The following CSMD1 variants were observed in gnomAD, a reference collection of about 807,000 sequenced individuals.
The protein encoded by CSMD1 is CUB and Sushi multiple domains 1.
CSMD1 carries 213 observed loss-of-function variants against 417.5 expected under a neutral mutation model. The observed-to-expected ratio is 0.51, with a 90% CI of 0.46 to 0.57. The LOEUF is 0.57. CSMD1 is among the 20% of genes least tolerant of loss of function. The pLI is 0.00. For synonymous variants in CSMD1, 2,862 were observed against 1,736.8 expected, an observed-to-expected ratio of 1.65 and a Z score of -16.11; for missense variants, 6,923 against 4,529.7, an observed-to-expected ratio of 1.53 and a Z score of -15.17.
intron 2 of CSMD1, among the ~76,000 whole-genome samples, chr8:4,582,335 A>C (rs565320685): frequency 6.6e-6 from 1 of 152,320 alleles, no homozygotes; most frequent in East Asian, 1.9e-4. Flanking sequence ...CCAAATTAGA[A>C]AAGCGGGATA....
intron 3 of CSMD1, among the ~76,000 whole-genome samples, chr8:4,319,994 G>A (rs1171896587): frequency 1.3e-5 from 2 of 152,116 alleles, no homozygotes; most frequent in African/African-American, 2.4e-5. Flanking sequence ...TCATAAAATA[G>A]GAGTATTGGG....
chr8:4,910,346 T>A (rs1367261407), intron 1 of CSMD1, among the ~76,000 whole-genome samples: 2 of 152,202 alleles, frequency 1.3e-5, no homozygotes, highest in Admixed American at 1.3e-4. Context: ...TGTATCTTAG[T>A]CAATTTTGGC....
rs552236589 is a variant in CSMD1 at position 3,813,672 on chromosome 8, T to G, written c.819-59630A>C. Among the ~76,000 whole-genome samples, 24 of 152,284 alleles carry G rather than the reference T, an allele frequency of 1.6e-4. No individual in the cohort carries two copies. In the South Asian group the frequency reaches 5.0e-3, roughly 32 times the overall value. On this transcript the variant is annotated intron_variant, in intron 5 of 69. Transcript: ENST00000635120. ...ATTATACAAAATTATTTAAGTGGCT[T>G]AAAAGCCCTGTACTTTCCAATATTC...
intron 26 of CSMD1, among the ~76,000 whole-genome samples, chr8:3,260,158 T>G (rs73185601): frequency 0.075 from 11,422 of 152,276 alleles, 568 homozygotes; most frequent in Admixed American, 0.13. Context: ...CTCATGTCTT[T>G]GAGTTAAGCA....
At chr8:3,077,697 C>A (rs778085815) in intron 49 of CSMD1, among the ~76,000 whole-genome samples, 2 of 152,248 alleles carry the variant, frequency 1.3e-5, no homozygotes. Flanking sequence ...GCAGCCCCGA[C>A]CCCGGCTTGC....
At chr8:4,939,531 A>T (rs995639115) in intron 1 of CSMD1, among the ~76,000 whole-genome samples, 4 of 152,192 alleles carry the variant, frequency 2.6e-5, no homozygotes, top group Admixed American at 6.5e-5. Flanking sequence ...ATTAAATGAA[A>T]TGAGCCAGGC....
At chr8:3,798,027 G>T (rs74510627) in intron 5 of CSMD1, among the ~76,000 whole-genome samples, 1 of 151,990 alleles carries the variant, frequency 6.6e-6, no homozygotes. Context: ...AACTTTTCAG[G>T]TGCTTTTTTG....
intron 1 of CSMD1, among the ~76,000 whole-genome samples, chr8:4,938,751 AAAGT>A (rs1252659913): frequency 6.6e-6 from 1 of 152,224 alleles, no homozygotes; most frequent in Non-Finnish European, 1.5e-5. Flanking sequence ...GGAAGGTTAA[AAAGT>A]GTGTGGCCTG....
At chr8:4,184,496 T>C (rs764812728) in intron 3 of CSMD1, among the ~76,000 whole-genome samples, 1 of 152,014 alleles carries the variant, frequency 6.6e-6, no homozygotes, top group Non-Finnish European at 1.5e-5. Flanking sequence ...ATAAAGAAAA[T>C]GTGGCATGTA....
intron 49 of CSMD1, among the ~76,000 whole-genome samples, chr8:3,073,759 T>C (rs968331836): frequency 1.3e-5 from 2 of 148,634 alleles, no homozygotes; most frequent in African/African-American, 4.9e-5. Context: ...ACATGAACTT[T>C]AAAAAAATAT....
At chr8:4,102,198 C>G (rs1356789456) in intron 3 of CSMD1, among the ~76,000 whole-genome samples, 1 of 152,150 alleles carries the variant, frequency 6.6e-6, no homozygotes, top group Non-Finnish European at 1.5e-5. Context: ...GCTTTATTGT[C>G]TCTTTTGTAA....
At chr8:3,506,495 C>G (rs1296493167) in intron 10 of CSMD1, among the ~76,000 whole-genome samples, 1 of 152,186 alleles carries the variant, frequency 6.6e-6, no homozygotes, top group East Asian at 1.9e-4. Context: ...CTTCCAGTCA[C>G]TCTTCCAATA....
At chr8:4,954,480 G>T (rs1364545164) in intron 1 of CSMD1, among the ~76,000 whole-genome samples, 1 of 152,112 alleles carries the variant, frequency 6.6e-6, no homozygotes, top group Non-Finnish European at 1.5e-5. Flanking sequence ...GACTGAAATT[G>T]ATCACGTGGC....
intron 3 of CSMD1, among the ~76,000 whole-genome samples, chr8:4,042,745 G>A (rs1024148842): frequency 3.4e-5 from 5 of 146,434 alleles, no homozygotes; most frequent in African/African-American, 1.3e-4. Context: ...TACCACAGAG[G>A]CTGGGTAAGA....
intron 3 of CSMD1, among the ~76,000 whole-genome samples, chr8:4,063,828 A>C (rs1000900334): frequency 9.9e-5 from 15 of 152,154 alleles, no homozygotes; most frequent in African/African-American, 3.6e-4. Context: ...TGAATGTGGT[A>C]AGAAGGAACC....
At chr8:3,361,651 CAAAAA>C (rs765648287) in intron 20 of CSMD1, among the ~76,000 whole-genome samples, 1 of 79,212 alleles carries the variant, frequency 1.3e-5, no homozygotes, top group African/African-American at 5.3e-5. Flanking sequence ...GATTCCATCT[CAAAAA>C]AAAAAAAAAA....
chr8:3,036,504 A>G (rs920212600), intron 50 of CSMD1, among the ~76,000 whole-genome samples: 2 of 152,196 alleles, frequency 1.3e-5, no homozygotes, highest in African/African-American at 4.8e-5. Context: ...ATTAGATGTC[A>G]TTGGAGTAAA....
chr8:4,512,818 T>TAA (rs34868507), intron 2 of CSMD1, among the ~76,000 whole-genome samples: 6 of 146,724 alleles, frequency 4.1e-5, no homozygotes, highest in African/African-American at 7.5e-5. Flanking sequence ...TTCATGGATT[T>TAA]AAAAAAAAAA....
At chr8:3,556,514 A>ATG (rs1563150089) in intron 10 of CSMD1, among the ~76,000 whole-genome samples, 4 of 80,254 alleles carry the variant, frequency 5.0e-5, no homozygotes, top group Admixed American at 3.8e-4. Context: ...TCTTTTTCAC[A>ATG]CGCACACACA....
Sources: allele counts gnomAD v4.1 joint callset (sites outside exome capture counted in the v4.1 genomes callset), GRCh38; gene constraint gnomAD v4.1.1; transcripts MANE v1.5; gene names NCBI Gene and HGNC (gene_info 2026-07-23, HGNC 2026-07-21).